Variants in TBX15 observed in about 807,000 individuals in gnomAD.
TBX15 encodes T-box transcription factor 15, also known as T-box transcription factor TBX15.
A neutral mutation model predicts 53.9 loss-of-function variants in TBX15; 18 were observed. That is an observed-to-expected ratio of 0.33 (90% CI 0.23 to 0.49). The LOEUF is 0.49. Ranked by LOEUF, TBX15 falls within the 20% of genes least tolerant of loss-of-function variation. The pLI, the probability that TBX15 is intolerant of heterozygous loss-of-function variation, is 0.98. For synonymous variants in TBX15, 295 were observed against 278.0 expected (o/e 1.06, Z -0.61); for missense variants, 692 against 749.5 (o/e 0.92, Z 0.90).
intron 1 of TBX15, among the ~76,000 whole-genome samples, chr1:118,961,738 A>G (rs9659323): frequency 0.37 from 55,614 of 152,046 alleles, 11,053 homozygotes; most frequent in Non-Finnish European, 0.44. Context: ...CTACAAGCTG[A>G]GTCACTTCCA....
At chr1:118,981,041 C>T (rs942722614) in intron 1 of TBX15, among the ~76,000 whole-genome samples, 11 of 152,106 alleles carry the variant, frequency 7.2e-5, no homozygotes, top group African/African-American at 2.2e-4. Flanking sequence ...CCATCTTGGC[C>T]AGGCTGGTCT....
At chr1:118,962,905 T>C (rs1306208080) in intron 1 of TBX15, among the ~76,000 whole-genome samples, 2 of 152,160 alleles carry the variant, frequency 1.3e-5, no homozygotes, top group African/African-American at 4.8e-5. Context: ...AAAGCAGAAA[T>C]AGTTTATGAC....
Position 118,924,779 on chromosome 1 carries a change from T to C in TBX15, c.560A>G (p.Asn187Ser). 2 of 1,613,904 alleles carry C rather than the reference T, an allele frequency of 1.2e-6. No individual in the cohort carries two copies. Among genetic ancestry groups the C allele is most frequent in the Non-Finnish European group, 1.7e-6 (2 of 1,179,982 alleles). ...TCTTGGGGGCACAGGGGAATCAGCA[T>C]TGCCAGCCACCATCCACTTGGAGCT... is the stretch of plus-strand genomic sequence containing the variant. ...YHSSKWMVAGNADSPVPPRVY... is the reference protein window; with the variant it reads ...YHSSKWMVAGSADSPVPPRVY... The change falls in exon 4 of 8, where the codon AAT (asparagine) becomes AGT (serine). Residue 187 changes from asparagine (N) to serine (S), a missense_variant. Physicochemically the swap from Asn to Ser is conservative, Grantham distance 46 (BLOSUM62 1). Around this residue, in one of 3 missense-constraint regions of TBX15, gnomAD observed 307 missense variants for 347.5 expected, o/e 0.88. Coordinates refer to ENST00000369429, the MANE Select transcript of TBX15 (RefSeq NM_001330677.2).
Position 118,988,141 on chromosome 1 carries a change from T to C in TBX15, c.-346A>G. 4.5e-6 allele frequency: 1 copy of C among 220,906 alleles called. No homozygotes were observed. Among genetic ancestry groups the C allele is most frequent in the Admixed American group, 7.7e-5 (1 of 13,056 alleles). 13.7% of individuals were successfully genotyped at this position (220,906 alleles called of 1,614,324 possible). A position where few individuals can be genotyped will look rare whatever the true frequency, so the allele number is the denominator to read the frequency against. On this transcript the variant is annotated 5_prime_UTR_variant, in exon 1 of 8. Transcript: ENST00000369429. ...ATCTTGTTTTTGTTATTATTATTAT[T>C]CTCTCTCCTCTCTCTCTCTCTCTCT...
chr1:118,909,704 C>T (rs1654967182), intron 6 of TBX15, among the ~76,000 whole-genome samples: 2 of 152,158 alleles, frequency 1.3e-5, no homozygotes, highest in South Asian at 2.1e-4. Context: ...TGCCTCAGCG[C>T]CCCCAGTAGC....
At chr1:118,973,372 T>C (rs79562702) in intron 1 of TBX15, among the ~76,000 whole-genome samples, 2 of 151,956 alleles carry the variant, frequency 1.3e-5, no homozygotes, top group East Asian at 3.9e-4. Context: ...GCTTTCATAC[T>C]CACACTCATG....
chr1:118,950,159 G>A (rs1264618452), intron 1 of TBX15, among the ~76,000 whole-genome samples: 2 of 152,312 alleles, frequency 1.3e-5, no homozygotes, highest in Admixed American at 6.5e-5. Flanking sequence ...GGAAGAAATT[G>A]TAAAAGACTG....
At chr1:118,949,517 A>G (rs1244439507) in intron 1 of TBX15, among the ~76,000 whole-genome samples, 2 of 152,142 alleles carry the variant, frequency 1.3e-5, no homozygotes, top group Non-Finnish European at 2.9e-5. Context: ...AGTCCTGGTG[A>G]TTTACTTTGT....
Position 118,938,170 on chromosome 1 carries a change from A to G in TBX15, c.206-6338T>C, listed in dbSNP as rs530186279. On this transcript the variant is annotated intron_variant, in intron 1 of 7. Coordinates refer to ENST00000369429, the MANE Select transcript of TBX15 (RefSeq NM_001330677.2). ...GGGAATGAACTATAACCCGGGATGG[A>G]TTAAACTAAAATTATGATGATAGCA... is the stretch of plus-strand genomic sequence containing the variant. Among the ~76,000 whole-genome samples, 7 of 152,320 alleles carry G rather than the reference A, an allele frequency of 4.6e-5. No homozygotes were observed. In the South Asian group the frequency reaches 6.2e-4, roughly 14 times the overall value.
intron 1 of TBX15, among the ~76,000 whole-genome samples, chr1:118,977,118 A>G (rs998649510): frequency 2.0e-5 from 3 of 152,252 alleles, no homozygotes; most frequent in African/African-American, 7.2e-5. Context: ...CCAAGGTCAT[A>G]CAACTAGCAA....
chr1:118,937,256 AGAG>A (rs1656001041), intron 1 of TBX15, among the ~76,000 whole-genome samples: 2 of 152,182 alleles, frequency 1.3e-5, no homozygotes, highest in African/African-American at 2.4e-5. Flanking sequence ...ATGTAAAGGT[AGAG>A]GAGAAGTAAG....
chr1:118,983,880 C>T (rs1451738726), intron 1 of TBX15, among the ~76,000 whole-genome samples: 2 of 152,262 alleles, frequency 1.3e-5, no homozygotes, highest in Admixed American at 6.5e-5. Flanking sequence ...CATTCTCCCC[C>T]GCTGGCTTGA....
chr1:118,953,742 G>A (rs924196731), intron 1 of TBX15, among the ~76,000 whole-genome samples: 4 of 152,160 alleles, frequency 2.6e-5, no homozygotes, highest in Non-Finnish European at 2.9e-5. Flanking sequence ...TCTCAAGAAA[G>A]TGAACAATTC....
intron 7 of TBX15, among the ~76,000 whole-genome samples, chr1:118,896,289 T>C (rs1281037670): frequency 6.6e-6 from 1 of 152,192 alleles, no homozygotes; most frequent in Non-Finnish European, 1.5e-5. Flanking sequence ...AACAACTATT[T>C]ACAATACTCC....
At chr1:118,893,526 G>GAAAT (rs1310774688) in intron 7 of TBX15, among the ~76,000 whole-genome samples, 1 of 120,602 alleles carries the variant, frequency 8.3e-6, no homozygotes, top group Non-Finnish European at 1.6e-5. Flanking sequence ...AAGAAAGAAA[G>GAAAT]AAGGAAAGAA....
intron 6 of TBX15, among the ~76,000 whole-genome samples, chr1:118,910,051 T>A (rs1379311381): frequency 6.6e-6 from 1 of 152,138 alleles, no homozygotes; most frequent in Admixed American, 6.5e-5. Context: ...CTCATAGGCA[T>A]TTGAGGAGAG....
intron 4 of TBX15, 92 bp from the exon 5 acceptor site, chr1:118,923,695 T>C (rs570607194): frequency 3.4e-6 from 5 of 1,472,784 alleles, no homozygotes; most frequent in East Asian, 2.3e-5. Flanking sequence ...TGAAGCACTA[T>C]AGGAAAAGCA....
intron 1 of TBX15, among the ~76,000 whole-genome samples, chr1:118,972,827 T>C (rs1232697536): frequency 6.6e-6 from 1 of 152,168 alleles, no homozygotes; most frequent in East Asian, 1.9e-4. Context: ...CTTGAACTCC[T>C]GACTTCAGAT....
At chr1:118,920,549 G>A (rs527389745) in intron 5 of TBX15, among the ~76,000 whole-genome samples, 2 of 152,194 alleles carry the variant, frequency 1.3e-5, no homozygotes, top group Non-Finnish European at 2.9e-5. Context: ...TTGGTCATTA[G>A]CCACAGAGGA....
Sources: allele counts gnomAD v4.1 joint callset (sites outside exome capture counted in the v4.1 genomes callset), GRCh38; gene constraint gnomAD v4.1.1; regional missense constraint gnomAD v4.1.1; transcripts MANE v1.5; gene names NCBI Gene and HGNC (gene_info 2026-07-23, HGNC 2026-07-21).